The following DAB2IP variants were observed in gnomAD, a reference collection of about 807,000 sequenced individuals.
DAB2IP encodes the protein DAB2 interacting protein.
In DAB2IP, 28 loss-of-function variants were observed where a neutral mutation model predicts 107.2. That is an observed-to-expected ratio of 0.26 (90% CI 0.19 to 0.36). DAB2IP has a LOEUF of 0.36. Ranked by LOEUF, DAB2IP falls within the 10% of genes least tolerant of loss-of-function variation. DAB2IP has a pLI of 1.00. For missense variants in DAB2IP, 1,400 were observed against 1,644.7 expected (o/e 0.85, Z 2.57); for synonymous variants, 755 against 706.4 (o/e 1.07, Z -1.09).
At chr9:121,755,763 C>T (rs1056962519) in intron 3 of DAB2IP, among the ~76,000 whole-genome samples, 2 of 152,150 alleles carry the variant, frequency 1.3e-5, no homozygotes, top group Non-Finnish European at 1.5e-5. Flanking sequence ...CCCGCTGACC[C>T]GGGGCAGTCG....
rs898008971 is a variant in DAB2IP, at chr9:121,684,788, G to A, written c.228+6007G>A. ...GATCAGACAAGCCAGATCTGTCCCAGGGTATATGGGGAAACTGAGGCCTGG... is the reference window on the plus strand; with the variant it reads ...GATCAGACAAGCCAGATCTGTCCCAAGGTATATGGGGAAACTGAGGCCTGG... On this transcript the variant is annotated intron_variant, in intron 2 of 15. Transcript: ENST00000408936. The surrounding 1 kb of genome is among the most constrained non-coding windows in gnomAD (Gnocchi z 4.0). 3.3e-5 allele frequency among the ~76,000 whole-genome samples: 5 copies of A among 152,218 alleles called. No individual in the cohort carries two copies. The highest frequency in any genetic ancestry group is 7.3e-5 in the Non-Finnish European group (5 of 68,036).
At chr9:121,707,081 G>A (rs780979090) in intron 3 of DAB2IP, among the ~76,000 whole-genome samples, 4 of 152,204 alleles carry the variant, frequency 2.6e-5, no homozygotes, top group Non-Finnish European at 5.9e-5. Flanking sequence ...GGAGGCCTGC[G>A]TTCTGCAGAC....
At chr9:121,658,622 A>G (rs936293503) in intron 1 of DAB2IP, among the ~76,000 whole-genome samples, 2 of 152,220 alleles carry the variant, frequency 1.3e-5, no homozygotes, top group Non-Finnish European at 1.5e-5. Context: ...TCCCAGTTGC[A>G]TAAATAAGGA....
At chr9:121,630,389 G>C (rs1356793503) in intron 1 of DAB2IP, among the ~76,000 whole-genome samples, 1 of 151,882 alleles carries the variant, frequency 6.6e-6, no homozygotes, top group East Asian at 2.0e-4. Flanking sequence ...GCCAGGCATG[G>C]TGGCAGGTGC....
In DAB2IP at chr9:121,703,601, C is replaced by T. The variant is rs1160635230; in HGVS notation, c.362+4143C>T. ...GTTGTTGAAGACATTAACATTAATA[C>T]ATTTAGCACACTTTTCATAGAAATT... On this transcript the variant is annotated intron_variant, in intron 3 of 15. Transcript: ENST00000408936. Among the ~76,000 whole-genome samples the T allele has an allele frequency of 3.3e-5, 5 of 152,306 alleles. No homozygotes were observed. In the East Asian group the frequency reaches 7.7e-4, roughly 23 times the overall value.
chr9:121,678,706 G>A (rs1349596527), exon 2 of DAB2IP: 1 of 1,589,604 alleles, frequency 6.3e-7, no homozygotes, highest in Non-Finnish European at 8.6e-7. Context: ...CGGGCTCTCG[G>A]CGCAGCCTGC....
At position 121,646,176 on chromosome 9, in the gene DAB2IP, C is replaced by T. The variant is rs560002186; in HGVS notation, c.41-32502C>T. ...CCATCCAAGCCTGGGGTCATCTTGT[C>T]CCTGACTGCACCGTTTTCTGCAAAC... On this transcript the variant is annotated intron_variant, in intron 1 of 16. Transcript: ENST00000259371. Among the ~76,000 whole-genome samples the T allele has an allele frequency of 5.3e-5, 8 of 152,316 alleles. No homozygotes were observed. The South Asian group carries it at 1.7e-3, about 32-fold the overall frequency.
rs373885033 is a variant in DAB2IP, at chr9:121,757,027, C to T, written c.377C>T (p.Pro126Leu). The T allele has an allele frequency of 1.2e-5, 20 of 1,614,128 alleles. No homozygotes were observed. Among genetic ancestry groups the T allele is most frequent in the Middle Eastern group, 1.7e-4 (1 of 6,042 alleles). ...TGCCACCCCAGGTCCCATCTGATGC[C>T]GAGGCTGAAGGAGTCTCGCTCCCAC... Residue 126 changes from proline (P) to leucine (L), a missense_variant, in exon 4 of 16, where the codon CCG becomes CTG. Coordinates refer to ENST00000408936, the Ensembl canonical transcript of DAB2IP.
rs544693060 is a variant in DAB2IP, at chr9:121,734,349, A to G, written c.363-22664A>G. Among the ~76,000 whole-genome samples the G allele has an allele frequency of 6.0e-5, 9 of 150,878 alleles. 1 individual carries two copies. Among genetic ancestry groups the G allele is most frequent in the South Asian group, 4.2e-4 (2 of 4,770 alleles). ...CCGAGATTGCGCCATTGCAGTCCGC[A>G]GTCCGGCCTGGGCAACAGAGCGAGA... is the stretch of plus-strand genomic sequence containing the variant. On this transcript the variant is annotated intron_variant, in intron 3 of 15. Transcript: ENST00000408936.
intron 2 of DAB2IP, among the ~76,000 whole-genome samples, chr9:121,683,168 A>ATG (rs1828682173): frequency 6.6e-6 from 1 of 152,126 alleles, no homozygotes; most frequent in Non-Finnish European, 1.5e-5. Flanking sequence ...GGGGCTTTGC[A>ATG]TGTGCCCACC....
Position 121,698,577 on chromosome 9 carries a change from A to G in DAB2IP, c.229-748A>G, listed in dbSNP as rs1422759928. 6.6e-6 allele frequency among the ~76,000 whole-genome samples: 1 copy of G among 152,188 alleles called. No homozygotes were observed. Among genetic ancestry groups the G allele is most frequent in the Non-Finnish European group, 1.5e-5 (1 of 68,034 alleles). Reference sequence around the variant, plus strand: ...GCCCCTCGGGCCCCTCCCTGAGCTGAGCACTAGGGATCCCGTCCCGCAAGG... The same window carrying G: ...GCCCCTCGGGCCCCTCCCTGAGCTGGGCACTAGGGATCCCGTCCCGCAAGG... On this transcript the variant is annotated intron_variant, in intron 2 of 15. Transcript: ENST00000408936. This position sits in a 1 kb window ranked among gnomAD's most constrained non-coding sequence, Gnocchi z 4.1.
chr9:121,714,596 CAAAG>C (rs1417582623), intron 3 of DAB2IP, among the ~76,000 whole-genome samples: 1 of 152,132 alleles, frequency 6.6e-6, no homozygotes, highest in Non-Finnish European at 1.5e-5. Context: ...AACCTGGTCT[CAAAG>C]AAGAGGATAC....
chr9:121,721,573 T>TGGGCATTTGGTGGC (rs1306699697), intron 3 of DAB2IP, among the ~76,000 whole-genome samples: 1 of 151,522 alleles, frequency 6.6e-6, no homozygotes, highest in Non-Finnish European at 1.5e-5. Context: ...ACCATGGCAC[T>TGGGCATTTGGTGGC]GGGCATTTGG....
chr9:121,737,299 A>G, intron 3 of DAB2IP: 1 of 985,420 alleles, frequency 1.0e-6, no homozygotes, highest in Non-Finnish European at 1.2e-6. Flanking sequence ...CCATGTGGTT[A>G]CCTGCATGGA....
intron 1 of DAB2IP, among the ~76,000 whole-genome samples, chr9:121,657,168 G>T (rs1833004013): frequency 6.6e-6 from 1 of 151,120 alleles, no homozygotes. Flanking sequence ...CTTTCCCAGG[G>T]CATGCGACAG....
At chr9:121,764,082 G>A (rs1302678344) in intron 8 of DAB2IP, among the ~76,000 whole-genome samples, 3 of 152,220 alleles carry the variant, frequency 2.0e-5, no homozygotes, top group African/African-American at 7.2e-5. Flanking sequence ...ACCTGGACAC[G>A]CCAGTCTGCC....
At chr9:121,640,835 G>T (rs1448321442) in intron 1 of DAB2IP, among the ~76,000 whole-genome samples, 3 of 152,196 alleles carry the variant, frequency 2.0e-5, no homozygotes, top group African/African-American at 7.2e-5. Flanking sequence ...GAGGCCTTCT[G>T]CAGTTCCCAG....
chr9:121,687,881 T>TC (rs770047143), intron 2 of DAB2IP, among the ~76,000 whole-genome samples: 13 of 152,196 alleles, frequency 8.5e-5, no homozygotes, highest in Non-Finnish European at 1.8e-4. Context: ...GTGCTGTTTT[T>TC]CTCTTCATCT....
intron 3 of DAB2IP, 101 bp from the exon 4 acceptor site, chr9:121,756,912 T>C: frequency 1.3e-6 from 2 of 1,505,008 alleles, no homozygotes; most frequent in Non-Finnish European, 1.8e-6. Context: ...GAGGAGTGGC[T>C]GCCTGCTGGA....
Sources: allele counts gnomAD v4.1 joint callset (sites outside exome capture counted in the v4.1 genomes callset), GRCh38; gene constraint gnomAD v4.1.1; non-coding constraint Gnocchi (gnomAD v3.1); transcripts MANE v1.5; gene names NCBI Gene and HGNC (gene_info 2026-07-23, HGNC 2026-07-21).